Variants in SLC35D2 observed in about 807,000 individuals in gnomAD.
SLC35D2 encodes nucleotide sugar transporter SLC35D2.
SLC35D2 carries 43 observed loss-of-function variants against 41.8 expected under a neutral mutation model. That is an observed-to-expected ratio of 1.03 (90% CI 0.81 to 1.33). SLC35D2 has a LOEUF of 1.33. Ranked by LOEUF, SLC35D2 falls within the 40% of genes most tolerant of loss-of-function variation. The probability of loss-of-function intolerance (pLI) is 0.00; values close to 1 mark genes in which losing one functional copy is unlikely to be tolerated. For synonymous variants in SLC35D2, 150 were observed against 163.9 expected, an observed-to-expected ratio of 0.92 and a Z score of 0.65; for missense variants, 380 against 408.4, an observed-to-expected ratio of 0.93 and a Z score of 0.60.
At chr9:96,359,466 G>T (rs1362689281) in intron 4 of SLC35D2, among the ~76,000 whole-genome samples, 1 of 152,030 alleles carries the variant, frequency 6.6e-6, no homozygotes, top group Non-Finnish European at 1.5e-5. Flanking sequence ...AAAGCGGATG[G>T]ATCACCTGAG....
At chr9:96,317,315 G>T (rs1057290541), downstream of SLC35D2, among the ~76,000 whole-genome samples, 5 of 152,118 alleles carry the variant, frequency 3.3e-5, no homozygotes, top group South Asian at 6.2e-4. Flanking sequence ...TATATCTGGA[G>T]ACCTGGGTCA....
intron 1 of SLC35D2, among the ~76,000 whole-genome samples, chr9:96,371,947 C>T (rs1830716696): frequency 6.6e-6 from 1 of 151,666 alleles, no homozygotes; most frequent in South Asian, 2.1e-4. Context: ...GGGATGGTCT[C>T]GATCTCCTGA....
intron 9 of SLC35D2, among the ~76,000 whole-genome samples, chr9:96,334,193 G>C (rs7873712): frequency 6.6e-6 from 1 of 152,124 alleles, no homozygotes; most frequent in Non-Finnish European, 1.5e-5. Context: ...CAAACTCTAG[G>C]GGGAGGAGGG....
chr9:96,317,597 A>T (rs1391446535), downstream of SLC35D2, among the ~76,000 whole-genome samples: 1 of 152,232 alleles, frequency 6.6e-6, no homozygotes, highest in Non-Finnish European at 1.5e-5. Context: ...ATCTTTAAGA[A>T]TTCCAAGAAT....
At chr9:96,355,121 C>T (rs982515767) in intron 4 of SLC35D2, among the ~76,000 whole-genome samples, 8 of 150,880 alleles carry the variant, frequency 5.3e-5, no homozygotes, top group African/African-American at 1.7e-4. Context: ...CTGGCTCAAG[C>T]GATTCTTGTG....
chr9:96,339,743 C>G (rs572108968), intron 8 of SLC35D2, among the ~76,000 whole-genome samples: 5 of 152,038 alleles, frequency 3.3e-5, no homozygotes, highest in Non-Finnish European at 5.9e-5. Flanking sequence ...AAAGTTCACC[C>G]GCTGAGTATT....
intron 3 of SLC35D2, 78 bp from the exon 4 acceptor site, chr9:96,360,299 A>AGAT (rs1830209746): frequency 9.1e-7 from 1 of 1,102,314 alleles, no homozygotes; most frequent in Non-Finnish European, 1.3e-6. Context: ...AAATGGTGAC[A>AGAT]GATACTTCAC....
chr9:96,383,529 T>C lies in SLC35D2; in HGVS notation c.106A>G (p.Thr36Ala). 1 of 1,523,458 alleles carries C rather than the reference T, an allele frequency of 6.6e-7. No individual in the cohort carries two copies. The highest frequency in any genetic ancestry group is 1.2e-5 in the South Asian group (1 of 82,332). The allele number at this position is 1,523,458 out of a possible 1,614,324, so 94.4% of individuals were successfully genotyped here. ...ACAAGCACGATGAGGAAGGAGCAGGTCCCGTAGAAGAGCGCCGACAGCAGC... is the reference window on the plus strand; with the variant it reads ...ACAAGCACGATGAGGAAGGAGCAGGCCCCGTAGAAGAGCGCCGACAGCAGC... Reference protein sequence around the residue: ...ARLLSALFYGTCSFLIVLVNK... With the variant: ...ARLLSALFYGACSFLIVLVNK... Residue 36 changes from threonine (T) to alanine (A), a missense_variant, in exon 1 of 12, where the codon ACC becomes GCC. Transcript: ENST00000253270.
intron 4 of SLC35D2, 132 bp downstream of exon 4, chr9:96,360,021 CT>C: frequency 3.8e-6 from 2 of 533,246 alleles, no homozygotes; most frequent in Non-Finnish European, 6.5e-6. Context: ...ACCTTACTTT[CT>C]TAAACTACTA....
rs1302645978 is a variant in SLC35D2 at position 96,352,091 on chromosome 9, C to T, written c.366G>A (p.Val122=). Residue 122 remains valine, a synonymous_variant, in exon 5 of 12, where the codon GTG becomes GTA. Transcript: ENST00000253270. ...TSKLSLPMFT[V]LRKFTIPLTL... The stretch of plus-strand genomic sequence containing the variant: ...TAAGTGGAATGGTGAATTTCCTGAG[C>T]ACGGTGAACATCGGTAGGCTGCCAG... 1 of 1,612,182 alleles carries T rather than the reference C, an allele frequency of 6.2e-7. No individual in the cohort carries two copies. Among genetic ancestry groups the T allele is most frequent in the South Asian group, 1.1e-5 (1 of 90,772 alleles).
At chr9:96,329,480 TC>T (rs1300335807) in intron 9 of SLC35D2, among the ~76,000 whole-genome samples, 1 of 152,126 alleles carries the variant, frequency 6.6e-6, no homozygotes, top group Non-Finnish European at 1.5e-5. Flanking sequence ...CCACTCAGCC[TC>T]CCAAACAAAG....
chr9:96,342,034 AC>A (rs1829350907), intron 8 of SLC35D2, among the ~76,000 whole-genome samples: 1 of 151,344 alleles, frequency 6.6e-6, no homozygotes, highest in Admixed American at 6.6e-5. Context: ...ACAAAAAAAA[AC>A]CCTCGTTTCT....
intron 9 of SLC35D2, 69 bp from the exon 10 acceptor site, chr9:96,324,238 C>T (rs2130835600): frequency 8.0e-7 from 1 of 1,257,342 alleles, no homozygotes; most frequent in East Asian, 2.4e-5. Flanking sequence ...AGGTTAAGGC[C>T]AGCAGTGACC....
At chr9:96,322,126 T>C (rs780191181) in intron 10 of SLC35D2, 46 bp from the exon 11 acceptor site, 26 of 1,201,874 alleles carry the variant, frequency 2.2e-5, no homozygotes, top group Non-Finnish European at 2.7e-5. Context: ...GTAAACTGTT[T>C]AGGGGAAAAT....
intron 3 of SLC35D2, among the ~76,000 whole-genome samples, chr9:96,361,185 C>T (rs1253929371): frequency 1.3e-5 from 2 of 152,184 alleles, no homozygotes; most frequent in Admixed American, 1.3e-4. Flanking sequence ...GATATGCATG[C>T]CCCAGGGGCC....
At chr9:96,356,216 C>G (rs1830014829) in intron 4 of SLC35D2, among the ~76,000 whole-genome samples, 1 of 152,220 alleles carries the variant, frequency 6.6e-6, no homozygotes, top group African/African-American at 2.4e-5. Context: ...TCACCAGATG[C>G]AGATGCTGGC....
At chr9:96,315,843 G>A (rs996229918), downstream of SLC35D2, among the ~76,000 whole-genome samples, 3 of 152,070 alleles carry the variant, frequency 2.0e-5, no homozygotes, top group Non-Finnish European at 2.9e-5. Flanking sequence ...AATTATAACG[G>A]AAACCAATTA....
At chr9:96,376,582 C>G (rs1587727266) in intron 1 of SLC35D2, among the ~76,000 whole-genome samples, 1 of 151,856 alleles carries the variant, frequency 6.6e-6, no homozygotes, top group East Asian at 1.9e-4. Flanking sequence ...GCACTCCAGC[C>G]TGGGCAACAG....
chr9:96,350,933 C>T (rs544369480), intron 6 of SLC35D2, 170 bp downstream of exon 6: 56 of 522,074 alleles, frequency 1.1e-4, no homozygotes, highest in African/African-American at 1.0e-3. Flanking sequence ...ATGTGGGACC[C>T]ACTTTGACTT....
Sources: allele counts gnomAD v4.1 joint callset (sites outside exome capture counted in the v4.1 genomes callset), GRCh38; gene constraint gnomAD v4.1.1; transcripts MANE v1.5; gene names NCBI Gene and HGNC (gene_info 2026-07-23, HGNC 2026-07-21).